Variants in RPH3AL observed in about 807,000 individuals in gnomAD.
The protein encoded by RPH3AL is rabphilin 3A like (without C2 domains).
A neutral mutation model predicts 43.1 loss-of-function variants in RPH3AL; 38 were observed. The observed-to-expected ratio is 0.88, with a 90% confidence interval of 0.68 to 1.15. RPH3AL has a LOEUF of 1.15. Among genes scored for constraint, RPH3AL ranks in the 50% most tolerant of loss-of-function variants. The probability of loss-of-function intolerance (pLI) is 0.00; values close to 1 mark genes in which losing one functional copy is unlikely to be tolerated. For synonymous variants in RPH3AL, 189 were observed against 176.3 expected, an observed-to-expected ratio of 1.07 and a Z score of -0.57; for missense variants, 462 against 423.2, an observed-to-expected ratio of 1.09 and a Z score of -0.81.
intron 7 of RPH3AL, among the ~76,000 whole-genome samples, chr17:220,469 T>C (rs1403588790): frequency 1.8e-5 from 2 of 108,804 alleles, no homozygotes; most frequent in African/African-American, 6.3e-5. Context: ...CTCTGAGGCC[T>C]CCACTCACTG....
intron 5 of RPH3AL, among the ~76,000 whole-genome samples, chr17:286,467 G>C (rs991726804): frequency 1.3e-5 from 2 of 152,170 alleles, no homozygotes; most frequent in African/African-American, 4.8e-5. Context: ...TAAGAGGCGA[G>C]GGCTACGGAA....
Position 321,357 on chromosome 17 carries a change from G to A in RPH3AL, c.136C>T (p.His46Tyr). 5 of 1,611,570 alleles carry A rather than the reference G, an allele frequency of 3.1e-6. No individual in the cohort carries two copies. Among genetic ancestry groups the A allele is most frequent in the African/African-American group, 1.3e-5 (1 of 74,968 alleles). ...YQTEKQRRKQ[H>Y]LSPAEVEAIL... ...GCCTCCACCTCCGCCGGGCTGAGGTGCTGCTTCCTCCTCTGCTTCTCCGTC... is the reference window on the plus strand; with the variant it reads ...GCCTCCACCTCCGCCGGGCTGAGGTACTGCTTCCTCCTCTGCTTCTCCGTC... Residue 46 changes from histidine (H) to tyrosine (Y), a missense_variant, in exon 4 of 10, where the codon CAC becomes TAC. Coordinates refer to ENST00000331302, the MANE Select transcript of RPH3AL (RefSeq NM_006987.4).
chr17:236,249 C>G (rs1013241630), intron 7 of RPH3AL, among the ~76,000 whole-genome samples: 2 of 152,224 alleles, frequency 1.3e-5, no homozygotes, highest in Non-Finnish European at 2.9e-5. Flanking sequence ...CTGCCATTGA[C>G]AGGGAGCTCA....
intron 6 of RPH3AL, among the ~76,000 whole-genome samples, chr17:263,080 A>G (rs1555546839): frequency 6.6e-6 from 1 of 152,190 alleles, no homozygotes; most frequent in Non-Finnish European, 1.5e-5. Context: ...ATCATAAAGC[A>G]TGGAAGAATT....
intron 3 of RPH3AL, among the ~76,000 whole-genome samples, chr17:327,219 C>T (rs1216419634): frequency 6.6e-6 from 1 of 152,204 alleles, no homozygotes; most frequent in African/African-American, 2.4e-5. Flanking sequence ...GCCCTGCCAC[C>T]CACAAGTTAA....
At chr17:312,921 C>T (rs193178827) in intron 5 of RPH3AL, among the ~76,000 whole-genome samples, 27 of 152,324 alleles carry the variant, frequency 1.8e-4, no homozygotes, top group Admixed American at 7.8e-4. Context: ...CTTGCAGGAA[C>T]ACGGAGGCAC....
chr17:266,770 T>C (rs1162985193), intron 6 of RPH3AL, among the ~76,000 whole-genome samples: 1 of 152,248 alleles, frequency 6.6e-6, no homozygotes, highest in Non-Finnish European at 1.5e-5. Flanking sequence ...ACACCTCGGC[T>C]AGATTATTTC....
chr17:241,034 C>T (rs184290885), intron 7 of RPH3AL, among the ~76,000 whole-genome samples: 11,654 of 146,998 alleles, frequency 0.079, 584 homozygotes, highest in Admixed American at 0.13. Context: ...TCCAGCCTGG[C>T]GACAGAGTGA....
intron 7 of RPH3AL, among the ~76,000 whole-genome samples, chr17:233,008 C>T (rs2041266898): frequency 6.6e-6 from 1 of 152,048 alleles, no homozygotes; most frequent in Non-Finnish European, 1.5e-5. Flanking sequence ...GCATAAGAGG[C>T]CTTCCTGGGG....
rs2044865284 is a variant in RPH3AL at position 333,810 on chromosome 17, A to C, written c.-88T>G. On this transcript the variant is annotated 5_prime_UTR_variant, in exon 2 of 10. An upstream start codon of the reference 5' UTR is lost. Transcript: ENST00000331302. This position sits in a 1 kb window ranked among gnomAD's most constrained non-coding sequence, Gnocchi z 4.5. ...CTCAAAGCTGTCAGCTGCAGGCCTC[A>C]TGCTTGCTGTCTCCAAAGTGCACGT... The C allele has an allele frequency of 6.2e-6, 1 of 162,232 alleles. No homozygotes were observed. The highest frequency in any genetic ancestry group is 5.7e-5 in the Admixed American group (1 of 17,528). 10.0% of individuals were successfully genotyped at this position (162,232 alleles called of 1,614,324 possible).
chr17:237,541 G>A lies in RPH3AL; in HGVS notation c.613+9570C>T, dbSNP rs542621422. Among the ~76,000 whole-genome samples, 5 of 152,342 alleles carry A rather than the reference G, an allele frequency of 3.3e-5. No homozygotes were observed. The South Asian group carries it at 8.3e-4, about 25-fold the overall frequency. On this transcript the variant is annotated intron_variant, in intron 7 of 9. Coordinates refer to ENST00000331302, the MANE Select transcript of RPH3AL (RefSeq NM_006987.4). ...GGAAAAGGAATTTGCCTCCCAGCCGGAGCTGCCTGTGTCCCAGCCTGGGAG... is the reference window on the plus strand; with the variant it reads ...GGAAAAGGAATTTGCCTCCCAGCCGAAGCTGCCTGTGTCCCAGCCTGGGAG...
Position 283,845 on chromosome 17 carries a change from C to T in RPH3AL, c.352-1991G>A, listed in dbSNP as rs550947024. 6.6e-6 allele frequency among the ~76,000 whole-genome samples: 1 copy of T among 152,320 alleles called. No homozygotes were observed. The highest frequency in any genetic ancestry group is 2.4e-5 in the African/African-American group (1 of 41,576). ...GAGAGCAGCCTCTCTCCACCTCTTC[C>T]ACCCTTCGCTCCTAATGTTCCCACC... On this transcript the variant is annotated intron_variant, in intron 5 of 9. Transcript: ENST00000331302. This position sits in a 1 kb window ranked among gnomAD's most constrained non-coding sequence, Gnocchi z 4.2.
At chr17:270,588 G>A (rs2042438506) in intron 6 of RPH3AL, among the ~76,000 whole-genome samples, 1 of 152,156 alleles carries the variant, frequency 6.6e-6, no homozygotes, top group Non-Finnish European at 1.5e-5. Flanking sequence ...GGCGGCTCAT[G>A]CCTGTAATCC....
chr17:282,685 C>T (rs2042809949), intron 5 of RPH3AL, among the ~76,000 whole-genome samples: 1 of 152,206 alleles, frequency 6.6e-6, no homozygotes, highest in Non-Finnish European at 1.5e-5. Flanking sequence ...GTGATTGCAT[C>T]ATTGTGCAAA....
chr17:218,452 A>G (rs1412710302), intron 8 of RPH3AL, among the ~76,000 whole-genome samples: 2 of 151,400 alleles, frequency 1.3e-5, no homozygotes, highest in African/African-American at 4.9e-5. Context: ...CTTCTTCTGC[A>G]CTAAAATTGG....
rs1455193365 is a variant in RPH3AL at position 347,471 on chromosome 17, C to T, written c.-213+5241G>A. On this transcript the variant is annotated intron_variant, in intron 1 of 9. Coordinates refer to ENST00000331302, the MANE Select transcript of RPH3AL (RefSeq NM_006987.4). ...TGAGGGCACATGCCCACAGTCCCAG[C>T]TCCTCGAGAGGCTGAGATGGGAGGA... Among the ~76,000 whole-genome samples the T allele has an allele frequency of 2.0e-5, 3 of 152,102 alleles. No homozygotes were observed. The East Asian group carries it at 5.8e-4, about 29-fold the overall frequency.
intron 3 of RPH3AL, among the ~76,000 whole-genome samples, chr17:324,964 T>C (rs2044583628): frequency 6.6e-6 from 1 of 152,208 alleles, no homozygotes; most frequent in South Asian, 2.1e-4. Context: ...TGACCTATGA[T>C]CCACCTGCCT....
chr17:314,680 G>GC (rs71143497), intron 5 of RPH3AL, among the ~76,000 whole-genome samples: 1 of 36,132 alleles, frequency 2.8e-5, no homozygotes, highest in African/African-American at 1.7e-4. Context: ...TAGTCTCTGT[G>GC]ACTCCACCTC....
At position 319,453 on chromosome 17, in the gene RPH3AL, G is replaced by A. The variant is rs2044397361; in HGVS notation, c.318C>T (p.Gly106=). The change falls in exon 5 of 10, where the codon GGC becomes GGT. Residue 106 remains glycine (G), a synonymous_variant. Transcript: ENST00000331302. The part of the protein sequence containing the change: ...LLCGEVLGFL[G]SSSVFCKDCR... ...AGTCTTTGCAGAACACCGACGAGCT[G>A]CCCAGGAAGCCCAGCACCTCCCCGC... 6.2e-7 allele frequency: 1 copy of A among 1,612,394 alleles called. No individual in the cohort carries two copies. The highest frequency in any genetic ancestry group is 8.5e-7 in the Non-Finnish European group (1 of 1,179,904).
Sources: gnomAD v4.1 joint callset for allele counts (sites outside exome capture counted in the v4.1 genomes callset) on GRCh38, gnomAD v4.1.1 for gene constraint, Gnocchi (gnomAD v3.1) non-coding constraint, MANE v1.5 for transcripts, NCBI Gene and HGNC (gene_info 2026-07-23, HGNC 2026-07-21) for gene names.